Variants in HSF4 observed in about 807,000 individuals in gnomAD.
HSF4 encodes heat shock transcription factor 4, also known as heat shock factor protein 4.
HSF4 carries 41 observed loss-of-function variants against 52.0 expected under a neutral mutation model. The ratio of observed to expected loss-of-function variants is 0.79; its 90% CI spans 0.61 to 1.02. The LOEUF (loss-of-function observed/expected upper bound fraction) is 1.02. HSF4 is among the 50% of genes least tolerant of loss of function. The pLI is 0.00. For missense variants in HSF4, 610 were observed against 651.1 expected (o/e 0.94, Z 0.69); for synonymous variants, 285 against 273.0 (o/e 1.04, Z -0.43).
At chr16:67,168,686 G>A (rs1323235527) in intron 9 of HSF4, 145 bp from the exon 10 acceptor site, 2 of 674,048 alleles carry the variant, frequency 3.0e-6, no homozygotes, top group Admixed American at 2.4e-5. Flanking sequence ...TGGCAGGAGT[G>A]GGGAGGTTGG....
At chr16:67,168,329 C>T (rs528534879) in intron 9 of HSF4, among the ~76,000 whole-genome samples, 42 of 152,184 alleles carry the variant, frequency 2.8e-4, no homozygotes, top group African/African-American at 9.6e-4. Flanking sequence ...CAAAAATTAG[C>T]TGGGTGTGGT....
In HSF4 at chr16:67,166,381, C is replaced by T. The variant is rs371071221; in HGVS notation, c.547C>T (p.Arg183Trp). Reference sequence around the variant, plus strand: ...TCGGCAGAGCCACGGTCAGCAGCACCGGGTCATTGGCAAGGTGTTCCTCTC... The same window carrying T: ...TCGGCAGAGCCACGGTCAGCAGCACTGGGTCATTGGCAAGGTGTTCCTCTC... Reference protein sequence around the residue: ...TLRQSHGQQHRVIGKLIQCLF... With the variant: ...TLRQSHGQQHWVIGKLIQCLF... The change falls in exon 5 of 13, where the codon CGG becomes TGG. Residue 183 changes from arginine (R) to tryptophan (W), a missense_variant. Coordinates refer to ENST00000521374, the MANE Select transcript of HSF4 (RefSeq NM_001374675.1). 1.2e-6 allele frequency: 2 copies of T among 1,609,628 alleles called. No homozygotes were observed. Among genetic ancestry groups the T allele is most frequent in the Non-Finnish European group, 8.5e-7 (1 of 1,178,038 alleles).
chr16:67,169,775 C>T lies in HSF4; in HGVS notation c.1469C>T (p.Pro490Leu), dbSNP rs775250845. 5.0e-6 allele frequency: 8 copies of T among 1,612,994 alleles called. No homozygotes were observed. The change falls in exon 13 of 13, where the codon CCC (proline) becomes CTC (leucine). Residue 490 changes from proline to leucine, a missense_variant. Transcript: ENST00000521374. The surrounding 1 kb of genome is among the most constrained non-coding windows in gnomAD (Gnocchi z 4.3). ...TASYLGPEAS[P>L]SP ...TCCTACTTGGGCCCGGAAGCCAGTC[C>T]CTCCCCCTAAGACCCCGCGCCTCTG...
rs369594985 is a variant in HSF4, at chr16:67,166,323, G to A, written c.489G>A (p.Gln163=). The part of the protein sequence containing the change: ...TEARLRELRQ[Q]NEILWREVVT... ...CACCCTCCCACCCCTTCCTCAGGCA[G>A]AACGAGATCTTGTGGCGGGAGGTGG... Residue 163 remains glutamine (Q), a synonymous_variant, in exon 5 of 13, where the codon CAG becomes CAA. Coordinates refer to ENST00000521374, the MANE Select transcript of HSF4 (RefSeq NM_001374675.1). 39 of 1,612,480 alleles carry A rather than the reference G, an allele frequency of 2.4e-5. No individual in the cohort carries two copies. The highest frequency in any genetic ancestry group is 3.0e-5 in the Non-Finnish European group (35 of 1,179,320).
In HSF4 at chr16:67,169,748, C is replaced by A. The variant is rs1285836755; in HGVS notation, c.1442C>A (p.Ala481Asp). The change falls in exon 13 of 13, where the codon GCC becomes GAC. Residue 481 changes from alanine (A) to aspartate (D), a missense_variant. Coordinates refer to ENST00000521374, the MANE Select transcript of HSF4 (RefSeq NM_001374675.1). This position sits in a 1 kb window ranked among gnomAD's most constrained non-coding sequence, Gnocchi z 4.3. ...TIYSTPESRT[A>D]SYLGPEASPS... The stretch of plus-strand genomic sequence containing the variant: ...TATAGCACTCCTGAGAGCCGGACTG[C>A]CTCCTACTTGGGCCCGGAAGCCAGT... 2 of 1,612,982 alleles carry A rather than the reference C, an allele frequency of 1.2e-6. No individual in the cohort carries two copies. Among genetic ancestry groups the A allele is most frequent in the East Asian group, 2.2e-5 (1 of 44,880 alleles).
rs764776538 is a variant in HSF4, at chr16:67,167,596, G to A, written c.851G>A (p.Arg284Lys). Residue 284 changes from arginine (R) to lysine (K), a missense_variant, in exon 8 of 13, where the codon AGG (arginine) becomes AAG (lysine). By Grantham distance (26) the Arg-to-Lys change is conservative (BLOSUM62 2). Coordinates refer to ENST00000521374, the MANE Select transcript of HSF4 (RefSeq NM_001374675.1). ...AGGCTTTCTCCCTCCAGTGATGGCAGGAGGTAAGGGGGACAGGGCTGCCCC... is the reference window on the plus strand; with the variant it reads ...AGGCTTTCTCCCTCCAGTGATGGCAAGAGGTAAGGGGGACAGGGCTGCCCC... Reference protein sequence around the residue: ...GTRLSPSSDGRREKGLALLKE... With the variant: ...GTRLSPSSDGKREKGLALLKE... The A allele has an allele frequency of 2.5e-6, 4 of 1,613,224 alleles. No individual in the cohort carries two copies. In the African/African-American group the frequency reaches 5.3e-5, roughly 22 times the overall value.
intron 9 of HSF4, among the ~76,000 whole-genome samples, chr16:67,168,309 G>A (rs1357418717): frequency 6.6e-6 from 1 of 151,976 alleles, no homozygotes; most frequent in Non-Finnish European, 1.5e-5. Flanking sequence ...CCCCGCCTCT[G>A]CTAAAAATAC....
chr16:67,165,800 G>A lies in HSF4; in HGVS notation c.314G>A (p.Ser105Asn). 1 of 1,608,962 alleles carries A rather than the reference G, an allele frequency of 6.2e-7. No homozygotes were observed. The highest frequency in any genetic ancestry group is 8.5e-7 in the Non-Finnish European group (1 of 1,179,572). The change falls in exon 3 of 13, where the codon AGC becomes AAC. Residue 105 changes from serine to asparagine, a missense_variant. Ser to Asn is a conservative substitution (Grantham distance 46). Coordinates refer to ENST00000521374, the MANE Select transcript of HSF4 (RefSeq NM_001374675.1). The surrounding 1 kb of genome is among the most constrained non-coding windows in gnomAD (Gnocchi z 6.9). ...GACCACGTCGAGTTCCAGCACCCGAGCTTCGTGCGCGGCCGCGAGCAGCTA... is the reference window on the plus strand; with the variant it reads ...GACCACGTCGAGTTCCAGCACCCGAACTTCGTGCGCGGCCGCGAGCAGCTA... ...ERDHVEFQHP[S>N]FVRGREQLLE...
In HSF4 at chr16:67,167,506, C is replaced by T. The variant is rs778025403; in HGVS notation, c.761C>T (p.Pro254Leu). The stretch of plus-strand genomic sequence containing the variant: ...CCAGAGACAAATTTGGGCCTTAGCC[C>T]TCACAGGGCCAGGGGCCCCATCATC... The part of the protein sequence containing the change: ...PLPETNLGLS[P>L]HRARGPIISD... The change falls in exon 8 of 13, where the codon CCT (proline) becomes CTT (leucine). Residue 254 changes from proline to leucine, a missense_variant. Coordinates refer to ENST00000521374, the MANE Select transcript of HSF4 (RefSeq NM_001374675.1). The T allele has an allele frequency of 5.0e-6, 8 of 1,613,822 alleles. No individual in the cohort carries two copies. Among genetic ancestry groups the T allele is most frequent in the South Asian group, 2.2e-5 (2 of 91,090 alleles).
chr16:67,167,781 G>A lies in HSF4; in HGVS notation c.916G>A (p.Gly306Arg), dbSNP rs780997957. 66 of 1,601,110 alleles carry A rather than the reference G, an allele frequency of 4.1e-5. No homozygotes were observed. Among genetic ancestry groups the A allele is most frequent in the Admixed American group, 2.4e-4 (14 of 57,850 alleles). Reference sequence around the variant, plus strand: ...CAGTCCAGGGGGGGATGGCGAGGCCGGGCTGGCCCTGGCCCCAAACGAGTG... The same window carrying A: ...CAGTCCAGGGGGGGATGGCGAGGCCAGGCTGGCCCTGGCCCCAAACGAGTG... ...PASPGGDGEA[G>R]LALAPNECDF... Residue 306 changes from glycine (G) to arginine (R), a missense_variant, in exon 9 of 13, where the codon GGG becomes AGG. By Grantham distance (125) the Gly-to-Arg change is moderately radical (BLOSUM62 -2). Transcript: ENST00000521374.
At position 67,169,144 on chromosome 16, in the gene HSF4, G is replaced by A. The variant is rs187069151; in HGVS notation, c.1254+43G>A. ...GAGGGCAGAGGCCAGGGGTGGCTGA[G>A]TCAAGCCCTCTGGTCCATAGCTGTT... On this transcript the variant is annotated intron_variant, in intron 11 of 12. Coordinates refer to ENST00000521374, the MANE Select transcript of HSF4 (RefSeq NM_001374675.1). The surrounding 1 kb of genome is among the most constrained non-coding windows in gnomAD (Gnocchi z 4.3). The A allele has an allele frequency of 8.7e-6, 14 of 1,606,124 alleles. No individual in the cohort carries two copies. In the East Asian group the frequency reaches 3.1e-4, roughly 36 times the overall value.
In HSF4 at chr16:67,165,938, G is replaced by T; in HGVS notation, c.361-8G>T. Reference sequence around the variant, plus strand: ...CGACCCAGTCCCGACGGTGCCTCCCGCCTGCAGGTGCCCGCGCTGCGCGGC... The same window carrying T: ...CGACCCAGTCCCGACGGTGCCTCCCTCCTGCAGGTGCCCGCGCTGCGCGGC... On this transcript the variant is annotated splice_region_variant and splice_polypyrimidine_tract_variant and intron_variant, in intron 3 of 12. Transcript: ENST00000521374. The surrounding 1 kb of genome is among the most constrained non-coding windows in gnomAD (Gnocchi z 6.9). 6.3e-7 allele frequency: 1 copy of T among 1,577,974 alleles called. No individual in the cohort carries two copies.
In HSF4 at chr16:67,169,002, G is replaced by C. The variant is rs745533083; in HGVS notation, c.1189-34G>C. 3.1e-6 allele frequency: 5 copies of C among 1,613,154 alleles called. No individual in the cohort carries two copies. In the Admixed American group the frequency reaches 8.3e-5, roughly 27 times the overall value. ...TGGGGTCTAGCTCTCTGTGGAGCCT[G>C]GGGAGGGCACCACTGACCCAGAGCT... is the stretch of plus-strand genomic sequence containing the variant. On this transcript the variant is annotated intron_variant, in intron 10 of 12. Coordinates refer to ENST00000521374, the MANE Select transcript of HSF4 (RefSeq NM_001374675.1). The surrounding 1 kb of genome is among the most constrained non-coding windows in gnomAD (Gnocchi z 4.3).
rs552135900 is a variant in HSF4, at chr16:67,165,363, T to C, written c.124-159T>C. 8 of 702,128 alleles carry C rather than the reference T, an allele frequency of 1.1e-5. No homozygotes were observed. In the East Asian group the frequency reaches 2.2e-4, roughly 19 times the overall value. 43.5% of individuals were successfully genotyped at this position (702,128 alleles called of 1,614,324 possible). A position where few individuals can be genotyped will look rare whatever the true frequency, so the allele number is the denominator to read the frequency against. On this transcript the variant is annotated intron_variant, in intron 1 of 12. Coordinates refer to ENST00000521374, the MANE Select transcript of HSF4 (RefSeq NM_001374675.1). This position sits in a 1 kb window ranked among gnomAD's most constrained non-coding sequence, Gnocchi z 6.9. Reference sequence around the variant, plus strand: ...CTCCAGGCTAGGCCTCGGAGCCCGTTCTGGCCTGGCCTCGACCCATATCCC... The same window carrying C: ...CTCCAGGCTAGGCCTCGGAGCCCGTCCTGGCCTGGCCTCGACCCATATCCC...
At position 67,165,266 on chromosome 16, in the gene HSF4, C is replaced by G. The variant is rs1190827882; in HGVS notation, c.124-256C>G. The G allele has an allele frequency of 1.2e-5, 7 of 596,854 alleles. No individual in the cohort carries two copies. Among genetic ancestry groups the G allele is most frequent in the Admixed American group, 3.0e-5 (1 of 33,746 alleles). The allele number at this position is 596,854 out of a possible 1,614,324, so 37.0% of individuals were successfully genotyped here. On this transcript the variant is annotated intron_variant, in intron 1 of 12. Coordinates refer to ENST00000521374, the MANE Select transcript of HSF4 (RefSeq NM_001374675.1). This position sits in a 1 kb window ranked among gnomAD's most constrained non-coding sequence, Gnocchi z 6.9. ...GGTCACATTGCGGGGCTGGGAACCCCGTCAGCCTCTCCTTTCTGAGAACTG... is the reference window on the plus strand; with the variant it reads ...GGTCACATTGCGGGGCTGGGAACCCGGTCAGCCTCTCCTTTCTGAGAACTG...
chr16:67,164,132 C>T (rs2145916023), upstream of HSF4: 1 of 656,930 alleles, frequency 1.5e-6, no homozygotes, highest in Admixed American at 2.2e-5. Context: ...CGGGCGCGGG[C>T]CGGGCCTCAA....
upstream of HSF4, chr16:67,164,033 C>T (rs1222156310): frequency 4.1e-6 from 3 of 733,492 alleles, no homozygotes; most frequent in African/African-American, 5.2e-5. Flanking sequence ...CCCACCCGCT[C>T]GGTCCTGGAC....
chr16:67,164,044 A>C (rs1216748837), upstream of HSF4: 1 of 720,508 alleles, frequency 1.4e-6, no homozygotes. Context: ...GGTCCTGGAC[A>C]CACTGCCCCC....
At position 67,165,374 on chromosome 16, in the gene HSF4, C is replaced by T; in HGVS notation, c.124-148C>T. 3 of 760,898 alleles carry T rather than the reference C, an allele frequency of 3.9e-6. No individual in the cohort carries two copies. The highest frequency in any genetic ancestry group is 4.5e-5 in the Admixed American group (2 of 44,936). The allele number at this position is 760,898 out of a possible 1,614,324, so 47.1% of individuals were successfully genotyped here. A position where few individuals can be genotyped will look rare whatever the true frequency, so the allele number is the denominator to read the frequency against. ...GCCTCGGAGCCCGTTCTGGCCTGGC[C>T]TCGACCCATATCCCCGTAAGCGGCA... On this transcript the variant is annotated intron_variant, in intron 1 of 12. Transcript: ENST00000521374. The surrounding 1 kb of genome is among the most constrained non-coding windows in gnomAD (Gnocchi z 6.9).
Sources: allele counts gnomAD v4.1 joint callset (sites outside exome capture counted in the v4.1 genomes callset), GRCh38; gene constraint gnomAD v4.1.1; non-coding constraint Gnocchi (gnomAD v3.1); transcripts MANE v1.5; gene names NCBI Gene and HGNC (gene_info 2026-07-23, HGNC 2026-07-21).